The following CALN1 variants were observed in gnomAD, a reference collection of about 807,000 sequenced individuals.
CALN1 encodes the protein calneuron 1, also known as calcium-binding protein 8.
CALN1 carries 17 observed loss-of-function variants against 30.6 expected under a neutral mutation model. The ratio of observed to expected loss-of-function variants is 0.56; its 90% CI spans 0.38 to 0.83. The LOEUF (loss-of-function observed/expected upper bound fraction) is 0.83. CALN1 is among the 40% of genes least tolerant of loss of function. The pLI is 0.00. For synonymous variants in CALN1, 156 were observed against 131.4 expected, an observed-to-expected ratio of 1.19 and a Z score of -1.28; for missense variants, 291 against 354.9, an observed-to-expected ratio of 0.82 and a Z score of 1.45.
At chr7:72,328,393 T>C (rs1051442039) in intron 2 of CALN1, among the ~76,000 whole-genome samples, 3 of 152,208 alleles carry the variant, frequency 2.0e-5, no homozygotes, top group African/African-American at 7.2e-5. Context: ...AGCTCTTTCC[T>C]GCCATCATGG....
intron 5 of CALN1, among the ~76,000 whole-genome samples, chr7:71,895,194 A>G (rs1215078427): frequency 6.6e-6 from 1 of 152,172 alleles, no homozygotes; most frequent in Admixed American, 6.5e-5. Flanking sequence ...GGCCCAAGCA[A>G]TCCACCTTCC....
intron 5 of CALN1, among the ~76,000 whole-genome samples, chr7:71,949,886 C>T (rs1028575843): frequency 1.2e-4 from 18 of 151,838 alleles, no homozygotes; most frequent in Non-Finnish European, 2.2e-4. Flanking sequence ...CTCAGCCTCC[C>T]GAGTAGCTGG....
chr7:71,929,583 TTTC>T (rs559572871), intron 5 of CALN1, among the ~76,000 whole-genome samples: 279 of 152,356 alleles, frequency 1.8e-3, no homozygotes, highest in South Asian at 5.4e-3. Context: ...TTGTGAATCA[TTTC>T]TTTTTATTGA....
At chr7:72,176,139 C>G (rs965625766) in intron 3 of CALN1, among the ~76,000 whole-genome samples, 7 of 152,190 alleles carry the variant, frequency 4.6e-5, no homozygotes, top group African/African-American at 1.7e-4. Flanking sequence ...AGCACCTGAC[C>G]TAGCTTGGCC....
chr7:72,010,930 G>A (rs991449459), intron 5 of CALN1, among the ~76,000 whole-genome samples: 26 of 151,966 alleles, frequency 1.7e-4, no homozygotes, highest in African/African-American at 9.7e-5. Flanking sequence ...TGAGGTGGGC[G>A]GATCATGGGG....
Position 71,785,153 on chromosome 7 carries a change from A to C in CALN1, c.*2622T>G, listed in dbSNP as rs757948487. 9.0e-6 allele frequency: 3 copies of C among 333,740 alleles called. No individual in the cohort carries two copies. The Admixed American group carries it at 1.5e-4, about 16-fold the overall frequency. The allele number at this position is 333,740 out of a possible 1,614,324, so 20.7% of individuals were successfully genotyped here. ...GAAGATAACTCCTAGGCTGTCAGAAAGAATTCTGTGTCTTCCTTCTTGCCA... is the reference window on the plus strand; with the variant it reads ...GAAGATAACTCCTAGGCTGTCAGAACGAATTCTGTGTCTTCCTTCTTGCCA... On this transcript the variant is annotated 3_prime_UTR_variant, in exon 7 of 7. Coordinates refer to ENST00000395275, the MANE Select transcript of CALN1 (RefSeq NM_031468.4).
intron 2 of CALN1, among the ~76,000 whole-genome samples, chr7:72,369,365 G>GTTGTTC (rs1804086128): frequency 6.9e-6 from 1 of 144,868 alleles, no homozygotes; most frequent in Non-Finnish European, 1.5e-5. Context: ...TTTTTTTGTT[G>GTTGTTC]TTGTTGTTTG....
chr7:72,312,374 C>G, intron 2 of CALN1, among the ~76,000 whole-genome samples: 1 of 133,340 alleles, frequency 7.5e-6, no homozygotes, highest in Admixed American at 8.5e-5. Flanking sequence ...GCCTAGACAA[C>G]AGAGTGAGAC....
At chr7:72,476,574 T>G in the CALN1 span, among the ~76,000 whole-genome samples, 1 of 152,174 alleles carries the variant, frequency 6.6e-6, no homozygotes, top group Non-Finnish European at 1.5e-5. Context: ...AATAGTGGAA[T>G]TCTACTAGAC....
At chr7:72,429,887 C>T (rs549854751) in intron 1 of CALN1, among the ~76,000 whole-genome samples, 54 of 149,902 alleles carry the variant, frequency 3.6e-4, no homozygotes, top group African/African-American at 1.2e-3. Flanking sequence ...GGTGTGATCT[C>T]GGCTCACTGC....
chr7:72,466,852 A>AAG, the CALN1 span, among the ~76,000 whole-genome samples: 424 of 76,862 alleles, frequency 5.5e-3, 1 homozygote, highest in African/African-American at 0.018. Flanking sequence ...AAAAGAAAGA[A>AAG]AGAAAGAGAA....
Position 72,300,309 on chromosome 7 carries a change from C to A in CALN1, c.120-21499G>T, listed in dbSNP as rs570210212. Reference sequence around the variant, plus strand: ...ACAAGTCTGAAAAAAATAGTTCTGGCCCTTTGACCCTGTAACTCTATTTTT... The same window carrying A: ...ACAAGTCTGAAAAAAATAGTTCTGGACCTTTGACCCTGTAACTCTATTTTT... On this transcript the variant is annotated intron_variant, in intron 2 of 6. Transcript: ENST00000395275. Among the ~76,000 whole-genome samples, 77 of 152,090 alleles carry A rather than the reference C, an allele frequency of 5.1e-4. No homozygotes were observed. In the Middle Eastern group the frequency reaches 0.021, roughly 41 times the overall value.
At chr7:72,246,753 ATT>A (rs58282615) in intron 3 of CALN1, among the ~76,000 whole-genome samples, 5 of 116,568 alleles carry the variant, frequency 4.3e-5, no homozygotes, top group African/African-American at 1.3e-4. Context: ...TACCAGAACA[ATT>A]TTTTTTTTTT....
chr7:72,385,184 T>C (rs940991188), intron 2 of CALN1, among the ~76,000 whole-genome samples: 1 of 152,198 alleles, frequency 6.6e-6, no homozygotes, highest in African/African-American at 2.4e-5. Flanking sequence ...CAACAAGAAC[T>C]TTCTTGATGA....
chr7:72,124,190 G>A (rs769227566), intron 3 of CALN1, among the ~76,000 whole-genome samples: 1 of 152,120 alleles, frequency 6.6e-6, no homozygotes, highest in Non-Finnish European at 1.5e-5. Flanking sequence ...GTGTGGATTT[G>A]GGGATTCTGA....
intron 5 of CALN1, among the ~76,000 whole-genome samples, chr7:71,917,613 G>A (rs66607901): frequency 0.15 from 23,372 of 152,010 alleles, 2,048 homozygotes; most frequent in Non-Finnish European, 0.2. Flanking sequence ...CAATCATGGC[G>A]GAAGGCACCT....
chr7:72,478,317 ATATT>A, the CALN1 span, among the ~76,000 whole-genome samples: 1 of 147,686 alleles, frequency 6.8e-6, no homozygotes, highest in Non-Finnish European at 1.5e-5. Context: ...TTATGCAAAT[ATATT>A]TATATTATAT....
chr7:72,063,852 C>T (rs1435477981), intron 4 of CALN1, among the ~76,000 whole-genome samples: 1 of 152,126 alleles, frequency 6.6e-6, no homozygotes, highest in Admixed American at 6.5e-5. Context: ...ATCCACACCC[C>T]CACCCCCAAA....
At chr7:72,196,614 G>A (rs1365696560) in intron 3 of CALN1, among the ~76,000 whole-genome samples, 1 of 152,142 alleles carries the variant, frequency 6.6e-6, no homozygotes, top group African/African-American at 2.4e-5. Flanking sequence ...ATTCTTTAAC[G>A]AAGAAAAAGA....
Sources: gnomAD v4.1 joint callset for allele counts (sites outside exome capture counted in the v4.1 genomes callset) on GRCh38, gnomAD v4.1.1 for gene constraint, MANE v1.5 for transcripts, NCBI Gene and HGNC (gene_info 2026-07-23, HGNC 2026-07-21) for gene names.